The following CALN1 variants were observed in gnomAD, a reference collection of about 807,000 sequenced individuals.
CALN1 encodes calcium-binding protein 8.
A neutral mutation model predicts 30.6 loss-of-function variants in CALN1; 17 were observed. That is an observed-to-expected ratio of 0.56 (90% confidence interval 0.38 to 0.83). CALN1 has a LOEUF of 0.83. Ranked by LOEUF, CALN1 falls within the 40% of genes least tolerant of loss-of-function variation. The probability of loss-of-function intolerance (pLI) is 0.00; values close to 1 mark genes in which losing one functional copy is unlikely to be tolerated. For synonymous variants in CALN1, 156 were observed against 131.4 expected (o/e 1.19, Z -1.28); for missense variants, 291 against 354.9 (o/e 0.82, Z 1.45).
intron 2 of CALN1, among the ~76,000 whole-genome samples, chr7:72,314,355 A>G (rs1372696086): frequency 1.8e-5 from 1 of 54,614 alleles, no homozygotes; most frequent in East Asian, 2.3e-3. Flanking sequence ...ATATACATAT[A>G]TATACATATA....
chr7:72,453,548 C>T, the CALN1 span, among the ~76,000 whole-genome samples: 1 of 152,218 alleles, frequency 6.6e-6, no homozygotes, highest in Non-Finnish European at 1.5e-5. Flanking sequence ...AGCCAGTCTT[C>T]AATCTGGTCC....
intron 5 of CALN1, among the ~76,000 whole-genome samples, chr7:72,016,927 T>C (rs1482760614): frequency 2.8e-5 from 4 of 142,402 alleles, no homozygotes; most frequent in Admixed American, 1.5e-4. Context: ...CCAAGGTGAG[T>C]GGATCACTTG....
the CALN1 span, among the ~76,000 whole-genome samples, chr7:72,468,520 C>T: frequency 2.0e-5 from 3 of 152,048 alleles, no homozygotes; most frequent in African/African-American, 7.2e-5. Context: ...CGCTATGTTG[C>T]CCAGGCTAGT....
At chr7:71,983,812 A>G (rs995267555) in intron 5 of CALN1, among the ~76,000 whole-genome samples, 5 of 152,108 alleles carry the variant, frequency 3.3e-5, no homozygotes, top group Non-Finnish European at 7.4e-5. Context: ...GATTACAGGC[A>G]TGAGCCACCA....
intron 3 of CALN1, among the ~76,000 whole-genome samples, chr7:72,244,575 T>A (rs1319952051): frequency 5.3e-5 from 8 of 151,786 alleles, no homozygotes; most frequent in Non-Finnish European, 1.0e-4. Context: ...TTTTTTTTTT[T>A]AAATCAGCTT....
intron 1 of CALN1, among the ~76,000 whole-genome samples, chr7:72,436,597 C>T (rs1216295100): frequency 6.6e-6 from 1 of 152,152 alleles, no homozygotes; most frequent in Non-Finnish European, 1.5e-5. Flanking sequence ...TGGCCACCTA[C>T]ACCTCATTCA....
intron 3 of CALN1, among the ~76,000 whole-genome samples, chr7:72,204,397 T>C (rs1791679279): frequency 6.6e-6 from 1 of 152,080 alleles, no homozygotes; most frequent in Non-Finnish European, 1.5e-5. Flanking sequence ...AAAAAAAATC[T>C]CCAACAATAT....
intron 4 of CALN1, among the ~76,000 whole-genome samples, chr7:72,059,361 T>TA (rs760444121): frequency 1.3e-5 from 2 of 152,172 alleles, no homozygotes; most frequent in African/African-American, 2.4e-5. Context: ...ATTTCTTCAA[T>TA]AACCCATGTC....
chr7:72,120,085 A>G (rs1470183358), intron 3 of CALN1, among the ~76,000 whole-genome samples: 8 of 151,970 alleles, frequency 5.3e-5, no homozygotes, highest in Admixed American at 5.2e-4. Flanking sequence ...TCTAATAGGT[A>G]ATTTTCCAGC....
chr7:72,344,786 A>C (rs932325538), intron 2 of CALN1, among the ~76,000 whole-genome samples: 10 of 147,544 alleles, frequency 6.8e-5, no homozygotes, highest in Non-Finnish European at 1.3e-4. Context: ...TTCAAAACGT[A>C]TATTAACCAG....
At chr7:72,198,691 G>C (rs1240967749) in intron 3 of CALN1, among the ~76,000 whole-genome samples, 1 of 152,096 alleles carries the variant, frequency 6.6e-6, no homozygotes, top group African/African-American at 2.4e-5. Flanking sequence ...ATTACTAAAG[G>C]ATTCATCATC....
At chr7:72,242,905 T>C (rs28670232) in intron 3 of CALN1, among the ~76,000 whole-genome samples, 1 of 151,962 alleles carries the variant, frequency 6.6e-6, no homozygotes, top group Non-Finnish European at 1.5e-5. Flanking sequence ...AAATTAAAAT[T>C]AAAAAATAAA....
chr7:72,305,089 G>A (rs1799559122), intron 2 of CALN1, among the ~76,000 whole-genome samples: 1 of 152,220 alleles, frequency 6.6e-6, no homozygotes, highest in Non-Finnish European at 1.5e-5. Flanking sequence ...GAGAGCCTGG[G>A]TTGGAACCCT....
chr7:71,924,056 G>A (rs1795125076), intron 5 of CALN1, among the ~76,000 whole-genome samples: 1 of 152,100 alleles, frequency 6.6e-6, no homozygotes. Context: ...AGCCAGGCAT[G>A]GTGGCGGCCA....
intron 3 of CALN1, among the ~76,000 whole-genome samples, chr7:72,130,425 A>G (rs1326225362): frequency 6.6e-6 from 1 of 152,116 alleles, no homozygotes; most frequent in Non-Finnish European, 1.5e-5. Flanking sequence ...AAGAAGAAAG[A>G]CTAGACCAAC....
intron 5 of CALN1, among the ~76,000 whole-genome samples, chr7:72,004,120 T>C (rs571837434): frequency 1.6e-4 from 25 of 152,314 alleles, no homozygotes; most frequent in African/African-American, 6.0e-4. Flanking sequence ...ATCACTTAAC[T>C]GATATTAAGT....
chr7:71,820,279 C>T (rs1454382223), intron 5 of CALN1, among the ~76,000 whole-genome samples: 4 of 152,138 alleles, frequency 2.6e-5, no homozygotes, highest in Non-Finnish European at 5.9e-5. Context: ...CCTGGAAGCT[C>T]CCCACCCACC....
At chr7:71,913,076 G>C (rs892844092) in intron 5 of CALN1, among the ~76,000 whole-genome samples, 2 of 152,120 alleles carry the variant, frequency 1.3e-5, no homozygotes, top group Non-Finnish European at 2.9e-5. Context: ...TATCTACTTC[G>C]TCAACTTTAA....
At chr7:72,472,397 A>T in the CALN1 span, among the ~76,000 whole-genome samples, 1 of 152,086 alleles carries the variant, frequency 6.6e-6, no homozygotes, top group Non-Finnish European at 1.5e-5. Context: ...CACATTCCCA[A>T]CATGTCCCAA....
Sources: allele counts gnomAD v4.1 joint callset (sites outside exome capture counted in the v4.1 genomes callset), GRCh38; gene constraint gnomAD v4.1.1; transcripts MANE v1.5; gene names NCBI Gene and HGNC (gene_info 2026-07-23, HGNC 2026-07-21).